MCHR2: variants seen among roughly 807,000 people sequenced by gnomAD.
The protein encoded by MCHR2 is melanin-concentrating hormone receptor 2.
In MCHR2, 15 loss-of-function variants were observed where a neutral mutation model predicts 24.8. That is an observed-to-expected ratio of 0.60 (90% CI 0.40 to 0.93). The LOEUF (loss-of-function observed/expected upper bound fraction) is 0.93. MCHR2 is among the 40% of genes least tolerant of loss of function. The probability of loss-of-function intolerance (pLI) is 0.00; values close to 1 mark genes in which losing one functional copy is unlikely to be tolerated. For missense variants in MCHR2, 386 were observed against 408.7 expected (o/e 0.94, Z 0.48); for synonymous variants, 151 against 147.6 (o/e 1.02, Z -0.17).
At chr6:99,954,688 G>A (rs1051003939) in intron 2 of MCHR2, among the ~76,000 whole-genome samples, 2 of 152,078 alleles carry the variant, frequency 1.3e-5, no homozygotes, top group African/African-American at 4.8e-5. Flanking sequence ...GTATTGTTGT[G>A]TGAATAAGTT....
intron 1 of MCHR2, among the ~76,000 whole-genome samples, chr6:99,981,126 T>C (rs1192400292): frequency 6.6e-6 from 1 of 152,218 alleles, no homozygotes; most frequent in African/African-American, 2.4e-5. Flanking sequence ...TTTCTAGCTG[T>C]CAATCCTTTT....
chr6:99,921,317 G>T (rs898752919), intron 5 of MCHR2, 62 bp from the exon 6 acceptor site: 26 of 1,485,934 alleles, frequency 1.7e-5, no homozygotes, highest in Non-Finnish European at 2.2e-5. Flanking sequence ...GGGGCAATGT[G>T]TTCCTAGAAC....
intron 1 of MCHR2, among the ~76,000 whole-genome samples, chr6:99,960,932 T>A (rs570659292): frequency 3.9e-4 from 59 of 152,258 alleles, no homozygotes; most frequent in African/African-American, 1.2e-3. Flanking sequence ...AAAGACTTCA[T>A]GACTAAAATG....
chr6:99,943,604 C>T (rs895989591), intron 3 of MCHR2, among the ~76,000 whole-genome samples: 5 of 151,676 alleles, frequency 3.3e-5, no homozygotes, highest in African/African-American at 7.3e-5. Context: ...TTTGTCCTTG[C>T]GATAGTTTAC....
intron 1 of MCHR2, among the ~76,000 whole-genome samples, chr6:99,979,846 G>A (rs372234518): frequency 5.9e-5 from 9 of 152,088 alleles, no homozygotes; most frequent in East Asian, 1.9e-4. Context: ...AGAATTCCAC[G>A]AGGAGGGATC....
In MCHR2 at chr6:99,918,708, C is replaced by T. The variant is rs928427384; in HGVS notation, c.*2232G>A. Among the ~76,000 whole-genome samples the T allele has an allele frequency of 5.3e-5, 8 of 152,168 alleles. No individual in the cohort carries two copies. The highest frequency in any genetic ancestry group is 1.5e-5 in the Non-Finnish European group (1 of 68,010). On this transcript the variant is annotated 3_prime_UTR_variant, in exon 6 of 6. Transcript: ENST00000281806. ...AACATAGAAAACACACAAAGAATCT[C>T]TATCAAATCACCTCTGTAAATCTGC... is the stretch of plus-strand genomic sequence containing the variant.
At chr6:99,931,107 AC>A (rs1245040097) in intron 5 of MCHR2, among the ~76,000 whole-genome samples, 1 of 152,130 alleles carries the variant, frequency 6.6e-6, no homozygotes, top group Non-Finnish European at 1.5e-5. Flanking sequence ...TCCACTCCAG[AC>A]CCTGTTTGCA....
chr6:99,984,138 A>G (rs1349303194), intron 1 of MCHR2, among the ~76,000 whole-genome samples: 1 of 152,210 alleles, frequency 6.6e-6, no homozygotes, highest in Non-Finnish European at 1.5e-5. Context: ...TTATACACAC[A>G]TACATGCACA....
chr6:99,939,573 C>A (rs1774732381), intron 4 of MCHR2, among the ~76,000 whole-genome samples: 1 of 151,940 alleles, frequency 6.6e-6, no homozygotes, highest in Non-Finnish European at 1.5e-5. Context: ...ATAGATTTGT[C>A]TTTTGGGCTT....
At chr6:99,954,022 G>A (rs1203909051) in intron 2 of MCHR2, among the ~76,000 whole-genome samples, 1 of 152,064 alleles carries the variant, frequency 6.6e-6, no homozygotes, top group Non-Finnish European at 1.5e-5. Flanking sequence ...TTCTCGGGGT[G>A]ACCTTCTCAC....
intron 3 of MCHR2, among the ~76,000 whole-genome samples, chr6:99,946,102 T>C (rs947920431): frequency 2.0e-5 from 3 of 151,776 alleles, no homozygotes; most frequent in Non-Finnish European, 4.4e-5. Context: ...TCCCCAAGAA[T>C]GGGATTACTG....
chr6:99,959,112 G>T lies in MCHR2; in HGVS notation c.-27-2938C>A, dbSNP rs570786570. 7.9e-5 allele frequency among the ~76,000 whole-genome samples: 12 copies of T among 152,204 alleles called. 1 individual carries two copies. The South Asian group carries it at 2.1e-3, about 26-fold the overall frequency. ...TTCCAGAGGGACTGGTTTCTCTATA[G>T]CTCAAACTGGGGCACTGATGAGACC... On this transcript the variant is annotated intron_variant, in intron 1 of 5. Transcript: ENST00000281806.
intron 1 of MCHR2, among the ~76,000 whole-genome samples, chr6:99,965,138 CT>C (rs1275957861): frequency 6.6e-6 from 1 of 152,076 alleles, no homozygotes; most frequent in African/African-American, 2.4e-5. Flanking sequence ...ACGTATGGTT[CT>C]GCAGGTTATA....
At chr6:99,929,515 G>T (rs1364354760) in intron 5 of MCHR2, among the ~76,000 whole-genome samples, 1 of 151,990 alleles carries the variant, frequency 6.6e-6, no homozygotes, top group African/African-American at 2.4e-5. Context: ...TATGAATCTG[G>T]GTGCTGCTGT....
intron 3 of MCHR2, among the ~76,000 whole-genome samples, chr6:99,945,560 T>G (rs1774859005): frequency 6.6e-6 from 1 of 152,170 alleles, no homozygotes; most frequent in Non-Finnish European, 1.5e-5. Context: ...AACTGGCAAT[T>G]AAAATGATTT....
At chr6:99,953,147 GTT>G (rs1774996691) in intron 2 of MCHR2, among the ~76,000 whole-genome samples, 1 of 152,100 alleles carries the variant, frequency 6.6e-6, no homozygotes, top group Admixed American at 6.6e-5. Context: ...GGATTAAGCT[GTT>G]ATCTATTGGT....
chr6:99,922,544 C>A (rs1177284486), intron 5 of MCHR2, among the ~76,000 whole-genome samples: 1 of 152,116 alleles, frequency 6.6e-6, no homozygotes, highest in East Asian at 1.9e-4. Flanking sequence ...AGTCTTTAAT[C>A]CACTTTGATT....
intron 1 of MCHR2, among the ~76,000 whole-genome samples, chr6:99,963,236 C>T (rs1430523011): frequency 2.0e-5 from 3 of 152,014 alleles, no homozygotes; most frequent in Non-Finnish European, 4.4e-5. Context: ...TGTGGAGGTT[C>T]CTCAAGCCAA....
chr6:99,951,661 T>A (rs1364365494), intron 2 of MCHR2, among the ~76,000 whole-genome samples: 2 of 152,072 alleles, frequency 1.3e-5, no homozygotes, highest in Non-Finnish European at 2.9e-5. Context: ...TATGGGTCAA[T>A]TCCAACAAGA....
Sources: allele counts gnomAD v4.1 joint callset (sites outside exome capture counted in the v4.1 genomes callset), GRCh38; gene constraint gnomAD v4.1.1; transcripts MANE v1.5; gene names NCBI Gene and HGNC (gene_info 2026-07-23, HGNC 2026-07-21).